Variants in DLG2 observed in about 807,000 individuals in gnomAD.
DLG2 encodes the protein discs large MAGUK scaffold protein 2, also known as disks large homolog 2.
DLG2 carries 45 observed loss-of-function variants against 132.5 expected under a neutral mutation model. The observed-to-expected ratio is 0.34, with a 90% CI of 0.27 to 0.44. The LOEUF is 0.44. Among genes scored for constraint, DLG2 ranks in the 20% least tolerant of loss-of-function variants. DLG2 has a pLI of 1.00. For synonymous variants in DLG2, 424 were observed against 419.6 expected, an observed-to-expected ratio of 1.01 and a Z score of -0.13; for missense variants, 1,045 against 1,196.9, an observed-to-expected ratio of 0.87 and a Z score of 1.87.
At chr11:83,580,541 G>A (rs1444706447) in intron 19 of DLG2, among the ~76,000 whole-genome samples, 1 of 152,048 alleles carries the variant, frequency 6.6e-6, no homozygotes, top group South Asian at 2.1e-4. Flanking sequence ...CAATTGAAAG[G>A]GCTGTCCATA....
At chr11:83,651,692 A>G in intron 18 of DLG2, 2 of 323,768 alleles carry the variant, frequency 6.2e-6, no homozygotes, top group Non-Finnish European at 6.5e-6. Flanking sequence ...TTCTAGTTAA[A>G]TTACTAACCA....
chr11:85,274,400 C>G (rs369822086), intron 4 of DLG2, among the ~76,000 whole-genome samples: 2 of 152,256 alleles, frequency 1.3e-5, no homozygotes, highest in African/African-American at 4.8e-5. Context: ...TACTTACAGT[C>G]AACTGAATGT....
At chr11:84,002,735 G>C (rs2094413854) in intron 11 of DLG2, among the ~76,000 whole-genome samples, 2 of 152,070 alleles carry the variant, frequency 1.3e-5, no homozygotes, top group Admixed American at 1.3e-4. Flanking sequence ...CATGGGAGGG[G>C]TTGCCATGAA....
At chr11:84,044,548 G>A (rs918453526) in intron 11 of DLG2, among the ~76,000 whole-genome samples, 3 of 151,694 alleles carry the variant, frequency 2.0e-5, no homozygotes, top group East Asian at 1.9e-4. Flanking sequence ...AAGAGATCTC[G>A]GTAGAGGCTA....
intron 6 of DLG2, among the ~76,000 whole-genome samples, chr11:84,604,710 A>G (rs1157903607): frequency 6.6e-6 from 1 of 152,020 alleles, no homozygotes; most frequent in African/African-American, 2.4e-5. Context: ...TCAACACCAG[A>G]TGATATTAAA....
chr11:84,811,425 T>C (rs530961317), intron 6 of DLG2, among the ~76,000 whole-genome samples: 37 of 152,276 alleles, frequency 2.4e-4, no homozygotes, highest in Non-Finnish European at 4.7e-4. Context: ...GCCTTCATTA[T>C]AGTAACATAA....
intron 7 of DLG2, among the ~76,000 whole-genome samples, chr11:84,429,760 T>C (rs1433294424): frequency 6.6e-6 from 1 of 152,230 alleles, no homozygotes; most frequent in Non-Finnish European, 1.5e-5. Context: ...CTTAAATTAA[T>C]CTTGCTGTGT....
At chr11:85,442,552 C>G (rs142207417) in intron 3 of DLG2, among the ~76,000 whole-genome samples, 277 of 152,140 alleles carry the variant, frequency 1.8e-3, no homozygotes, top group African/African-American at 6.4e-3. Context: ...AAAAGGATAG[C>G]AAAAGAGAAA....
At chr11:83,498,060 G>A (rs1203631904) in intron 21 of DLG2, among the ~76,000 whole-genome samples, 1 of 151,964 alleles carries the variant, frequency 6.6e-6, no homozygotes, top group Non-Finnish European at 1.5e-5. Context: ...TTAAAAAAAT[G>A]TATCCTGTTT....
At chr11:83,681,479 G>A (rs1269136188) in intron 18 of DLG2, among the ~76,000 whole-genome samples, 1 of 152,150 alleles carries the variant, frequency 6.6e-6, no homozygotes. Context: ...TTCTGCATTT[G>A]TCCGTCCTGC....
intron 6 of DLG2, among the ~76,000 whole-genome samples, chr11:84,775,543 AT>A (rs2070300999): frequency 6.6e-6 from 1 of 152,174 alleles, no homozygotes; most frequent in Non-Finnish European, 1.5e-5. Flanking sequence ...GCCGGACTGG[AT>A]AAAGAAAATG....
At chr11:84,495,981 G>A (rs1374994210) in intron 7 of DLG2, among the ~76,000 whole-genome samples, 1 of 152,060 alleles carries the variant, frequency 6.6e-6, no homozygotes, top group East Asian at 1.9e-4. Flanking sequence ...GAGTTTCCAC[G>A]TGGGACTCAG....
chr11:83,520,639 G>GTAGATAGAGAGATAGATAGATAGA (rs2095444025), intron 21 of DLG2, among the ~76,000 whole-genome samples: 1 of 147,954 alleles, frequency 6.8e-6, no homozygotes, highest in African/African-American at 2.5e-5. Context: ...AGGTAGGTAG[G>GTAGATAGAGAGATAGATAGATAGA]TAGATAGATA....
chr11:84,816,591 A>T (rs916426158), intron 6 of DLG2, among the ~76,000 whole-genome samples: 1 of 151,924 alleles, frequency 6.6e-6, no homozygotes, highest in African/African-American at 2.4e-5. Context: ...TATGTACCTT[A>T]TATACAGAAT....
chr11:84,493,355 T>A (rs763818923), intron 7 of DLG2, among the ~76,000 whole-genome samples: 7 of 152,128 alleles, frequency 4.6e-5, no homozygotes, highest in Non-Finnish European at 8.8e-5. Flanking sequence ...TCTCTGCTTA[T>A]CTAAATATAA....
At chr11:84,660,079 C>T (rs1352030799) in intron 6 of DLG2, among the ~76,000 whole-genome samples, 1 of 152,054 alleles carries the variant, frequency 6.6e-6, no homozygotes, top group Non-Finnish European at 1.5e-5. Flanking sequence ...GGCTCCATCA[C>T]ATACTGTTCA....
intron 6 of DLG2, among the ~76,000 whole-genome samples, chr11:84,663,579 C>T (rs896653350): frequency 6.6e-6 from 1 of 152,112 alleles, no homozygotes; most frequent in African/African-American, 2.4e-5. Flanking sequence ...TACTGTATCT[C>T]TTATTCTTTC....
At chr11:83,520,126 G>A (rs543270658) in intron 21 of DLG2, among the ~76,000 whole-genome samples, 1 of 152,182 alleles carries the variant, frequency 6.6e-6, no homozygotes, top group Non-Finnish European at 1.5e-5. Flanking sequence ...CTTTACAAAT[G>A]TTCATGAAGT....
intron 16 of DLG2, among the ~76,000 whole-genome samples, chr11:83,842,523 CAAAAAA>C (rs771360645): frequency 3.6e-4 from 25 of 70,288 alleles, no homozygotes; most frequent in African/African-American, 7.3e-4. Flanking sequence ...GAACCTGTCT[CAAAAAA>C]AAAAAAAAAA....
Sources: allele counts gnomAD v4.1 joint callset (sites outside exome capture counted in the v4.1 genomes callset), GRCh38; gene constraint gnomAD v4.1.1; transcripts MANE v1.5; gene names NCBI Gene and HGNC (gene_info 2026-07-23, HGNC 2026-07-21).